Variants in MBD5 observed in about 807,000 individuals in gnomAD.
MBD5 encodes methyl-CpG binding domain protein 5.
Under a neutral mutation model 117.3 loss-of-function variants are expected in MBD5, and 13 were observed. The observed-to-expected ratio is 0.11, with a 90% CI of 0.07 to 0.18. MBD5 has a LOEUF of 0.18. Ranked by LOEUF, MBD5 falls within the 10% of genes least tolerant of loss-of-function variation. MBD5 has a pLI of 1.00. For missense variants in MBD5, 1,879 were observed against 2,093.8 expected (o/e 0.90, Z 2.00); for synonymous variants, 727 against 766.4 (o/e 0.95, Z 0.85).
In MBD5 at chr2:148,198,263, T is replaced by G. The variant is rs116786931; in HGVS notation, c.-831+19470T>G. ...TTGCATCTTTTTTATTGCCTTCGTA[T>G]GTGTCTGTAGATCCAACATGTTTAT... On this transcript the variant is annotated intron_variant, in intron 2 of 13. Coordinates refer to ENST00000642680, the MANE Select transcript of MBD5 (RefSeq NM_001378120.1). 7.2e-3 allele frequency among the ~76,000 whole-genome samples: 1,097 copies of G among 152,316 alleles called. 10 individuals are homozygous for G. Among genetic ancestry groups the G allele is most frequent in the African/African-American group, 0.025 (1,024 of 41,566 alleles).
intron 2 of MBD5, among the ~76,000 whole-genome samples, chr2:148,219,016 T>TA (rs1425387640): frequency 6.6e-6 from 1 of 152,264 alleles, no homozygotes; most frequent in African/African-American, 2.4e-5. Context: ...ACTTTTACTT[T>TA]ATAAACTTTA....
chr2:148,272,138 T>C (rs1701000883), intron 3 of MBD5, among the ~76,000 whole-genome samples: 1 of 152,210 alleles, frequency 6.6e-6, no homozygotes, highest in African/African-American at 2.4e-5. Context: ...TAAGGCTGAG[T>C]AGTATTGTCT....
chr2:148,289,893 ACTGTTTTCATTCTTACACTTATTTGTATT>A (rs60781672), intron 3 of MBD5, among the ~76,000 whole-genome samples: 140,654 of 149,382 alleles, frequency 0.94, 66,768 homozygotes, highest in East Asian at 1. Flanking sequence ...AATTAATAGG[ACTGTTTTCATTCTTACACTTATTTGTATT>A]CTCTAATAAT....
At chr2:148,060,583 A>G (rs574184145) in intron 1 of MBD5, among the ~76,000 whole-genome samples, 5 of 152,282 alleles carry the variant, frequency 3.3e-5, no homozygotes, top group South Asian at 2.1e-4. Flanking sequence ...AACTTGAAAG[A>G]TATTTACTTG....
chr2:148,044,349 T>C (rs1282644249), intron 1 of MBD5: 1 of 152,202 alleles, frequency 6.6e-6, no homozygotes, highest in Non-Finnish European at 1.5e-5. Context: ...CCCATGGGGC[T>C]GAACTATTTA....
At chr2:148,445,275 A>G (rs191990876) in intron 4 of MBD5, among the ~76,000 whole-genome samples, 10 of 150,882 alleles carry the variant, frequency 6.6e-5, no homozygotes, top group Middle Eastern at 3.4e-3. Context: ...TCCTAATGCT[A>G]TCCCTCCCCG....
intron 3 of MBD5, among the ~76,000 whole-genome samples, chr2:148,329,925 G>A (rs1256609987): frequency 6.6e-6 from 1 of 151,788 alleles, no homozygotes; most frequent in Non-Finnish European, 1.5e-5. Context: ...ATGCTGCTTT[G>A]AGTTTACCAA....
intron 2 of MBD5, among the ~76,000 whole-genome samples, chr2:148,199,345 G>A (rs574622025): frequency 6.6e-6 from 1 of 152,106 alleles, no homozygotes; most frequent in African/African-American, 2.4e-5. Context: ...CCATCACAAA[G>A]GCAAATAATA....
chr2:148,472,393 A>G (rs1338150198), intron 8 of MBD5: 2 of 152,122 alleles, frequency 1.3e-5, no homozygotes, highest in African/African-American at 2.4e-5. Flanking sequence ...TGTGCTTAAT[A>G]AAAATCTAAG....
Position 148,484,003 on chromosome 2 carries a change from G to A in MBD5, c.3412G>A (p.Ala1138Thr), listed in dbSNP as rs1294609286. ...ALTVSTLGGT[A>T]VVSMAETLLN... is the part of the protein sequence containing the mutation. ...GACTGTCTCAACACTTGGTGGGACA[G>A]CAGTGGTGTCAATGGCAGAAACATT... Residue 1138 changes from alanine (A) to threonine (T), a missense_variant, in exon 9 of 14, where the codon GCA becomes ACA. Physicochemically the swap from Ala to Thr is moderately conservative, Grantham distance 58 (BLOSUM62 0). Around this residue, in one of 4 missense-constraint regions of MBD5, gnomAD observed 1,666 missense variants for 1,792.2 expected, o/e 0.93. Coordinates refer to ENST00000642680, the MANE Select transcript of MBD5 (RefSeq NM_001378120.1). 4.5e-6 allele frequency: 7 copies of A among 1,550,518 alleles called. No individual in the cohort carries two copies. The highest frequency in any genetic ancestry group is 2.6e-6 in the Non-Finnish European group (3 of 1,146,942).
intron 1 of MBD5, among the ~76,000 whole-genome samples, chr2:148,167,925 T>C (rs1236479064): frequency 1.3e-5 from 2 of 152,224 alleles, no homozygotes; most frequent in African/African-American, 2.4e-5. Flanking sequence ...TAGTTAAATA[T>C]GTTAAGTAAT....
intron 1 of MBD5, among the ~76,000 whole-genome samples, chr2:148,043,452 C>CAAATAAATAAATAAATAAAT (rs137863555): frequency 0.012 from 1,759 of 142,888 alleles, 17 homozygotes; most frequent in East Asian, 0.016. Context: ...GACTCCTTCT[C>CAAATAAATAAATAAATAAAT]AAATAAATAA....
intron 3 of MBD5, among the ~76,000 whole-genome samples, chr2:148,252,289 C>T (rs1700484762): frequency 6.6e-6 from 1 of 151,982 alleles, no homozygotes; most frequent in Non-Finnish European, 1.5e-5. Flanking sequence ...GCTAGACACC[C>T]TCTCTACAAA....
rs1484603833 is a variant in MBD5, at chr2:148,470,365, C to A, written c.2422C>A (p.His808Asn). ...QSGMALGNSL[H>N]PNPPQSRIST... ...GGGCATGGCTTTAGGAAATTCCTTA[C>A]ATCCCAATCCACCTCAGTCAAGAAT... The change falls in exon 8 of 14, where the codon CAT (histidine) becomes AAT (asparagine). Residue 808 changes from histidine to asparagine, a missense_variant. Physicochemically the swap from His to Asn is moderately conservative, Grantham distance 68. This residue lies in a region of MBD5 where 1,666 missense variants were observed against 1,792.2 expected (regional missense o/e 0.93). Transcript: ENST00000642680. 1 of 1,613,810 alleles carries A rather than the reference C, an allele frequency of 6.2e-7. No individual in the cohort carries two copies. The highest frequency in any genetic ancestry group is 1.7e-5 in the Admixed American group (1 of 59,980).
intron 4 of MBD5, among the ~76,000 whole-genome samples, chr2:148,454,102 A>G (rs1706810974): frequency 6.6e-6 from 1 of 152,148 alleles, no homozygotes; most frequent in Non-Finnish European, 1.5e-5. Context: ...ATATACATTT[A>G]TCACAAAATT....
intron 8 of MBD5, among the ~76,000 whole-genome samples, chr2:148,478,754 G>A (rs779188158): frequency 8.5e-5 from 13 of 152,140 alleles, no homozygotes; most frequent in Non-Finnish European, 1.9e-4. Flanking sequence ...CCAGTTCATG[G>A]TGCTGCTGGC....
At chr2:148,510,190 AC>A in intron 13 of MBD5, 55 bp downstream of exon 13, 1 of 1,358,272 alleles carries the variant, frequency 7.4e-7, no homozygotes, top group Non-Finnish European at 1.1e-6. Context: ...AAATTGTGTT[AC>A]ACTTTTTGGT....
chr2:148,270,844 T>C (rs1408657251), intron 3 of MBD5, among the ~76,000 whole-genome samples: 1 of 152,194 alleles, frequency 6.6e-6, no homozygotes, highest in African/African-American at 2.4e-5. Context: ...CTTCCTCTAC[T>C]GCTCTTTATC....
At chr2:148,473,046 T>C (rs1485607627) in intron 8 of MBD5, among the ~76,000 whole-genome samples, 1 of 152,168 alleles carries the variant, frequency 6.6e-6, no homozygotes, top group Non-Finnish European at 1.5e-5. Flanking sequence ...CATTTAGTGC[T>C]CAAAAGTATT....
Sources: gnomAD v4.1 joint callset for allele counts (sites outside exome capture counted in the v4.1 genomes callset) on GRCh38, gnomAD v4.1.1 for gene constraint, gnomAD v4.1.1 regional missense constraint, MANE v1.5 for transcripts, NCBI Gene and HGNC (gene_info 2026-07-23, HGNC 2026-07-21) for gene names.